Variants in REDIC1 observed in about 807,000 individuals in gnomAD.
The protein encoded by REDIC1 is regulator of DNA class I crossover intermediates 1, also known as HEI10 Interacting Protein 1.
At chr12:39,827,161 T>A in the REDIC1 span, among the ~76,000 whole-genome samples, 1 of 151,878 alleles carries the variant, frequency 6.6e-6, no homozygotes, top group African/African-American at 2.4e-5. Context: ...TATGGATGTC[T>A]CCAGTTTAGG....
the REDIC1 span, among the ~76,000 whole-genome samples, chr12:39,659,940 TG>T: frequency 8.5e-3 from 1,291 of 152,216 alleles, 14 homozygotes; most frequent in African/African-American, 0.03. Context: ...TATTGAGGCT[TG>T]CTTTTAAATT....
chr12:39,712,419 C>CATACGTATATAT, the REDIC1 span, among the ~76,000 whole-genome samples: 10 of 121,854 alleles, frequency 8.2e-5, no homozygotes, highest in Admixed American at 2.6e-4. Context: ...TACGTATATA[C>CATACGTATATAT]ATACGTATAT....
chr12:39,646,912 T>C, the REDIC1 span: 3 of 1,524,578 alleles, frequency 2.0e-6, no homozygotes, highest in Non-Finnish European at 2.7e-6. Context: ...AAAAATTCTA[T>C]AGGTTATTTC....
At chr12:39,777,981 C>A in the REDIC1 span, among the ~76,000 whole-genome samples, 1 of 152,158 alleles carries the variant, frequency 6.6e-6, no homozygotes, top group Non-Finnish European at 1.5e-5. Context: ...GATGGCTAAA[C>A]TAAAAGAGCA....
At chr12:39,794,123 CAAAAAAAAAAAAAAA>C in the REDIC1 span, among the ~76,000 whole-genome samples, 3 of 78,372 alleles carry the variant, frequency 3.8e-5, no homozygotes, top group African/African-American at 1.0e-4. Flanking sequence ...GGCCAAATTG[CAAAAAAAAAAAAAAA>C]AAAAAAAAAA....
At chr12:39,712,494 G>GA in the REDIC1 span, among the ~76,000 whole-genome samples, 7 of 137,826 alleles carry the variant, frequency 5.1e-5, no homozygotes, top group African/African-American at 1.6e-4. Context: ...GTATATATAC[G>GA]ACGTATATAC....
the REDIC1 span, among the ~76,000 whole-genome samples, chr12:39,680,056 T>C: frequency 6.6e-6 from 1 of 152,158 alleles, no homozygotes; most frequent in Non-Finnish European, 1.5e-5. Context: ...GGAAAAACTC[T>C]TCTAGACATT....
the REDIC1 span, chr12:39,764,524 G>A: frequency 6.2e-7 from 1 of 1,612,144 alleles, no homozygotes; most frequent in Non-Finnish European, 8.5e-7. Flanking sequence ...TGAAAATCCA[G>A]TTTATTCCAG....
At chr12:39,646,473 C>G in the REDIC1 span, 1 of 1,551,302 alleles carries the variant, frequency 6.4e-7, no homozygotes, top group Non-Finnish European at 8.7e-7. Flanking sequence ...TAGGTTTTAG[C>G]TAGGATTTAT....
At chr12:39,765,570 C>CT in the REDIC1 span, among the ~76,000 whole-genome samples, 10 of 152,060 alleles carry the variant, frequency 6.6e-5, no homozygotes, top group Non-Finnish European at 1.5e-4. Flanking sequence ...CCTTCAACCT[C>CT]TATCTTTGAA....
At chr12:39,711,641 G>GTATGTC in the REDIC1 span, among the ~76,000 whole-genome samples, 2 of 136,852 alleles carry the variant, frequency 1.5e-5, no homozygotes, top group African/African-American at 5.4e-5. Context: ...GTGTATATGT[G>GTATGTC]TATACACATG....
At chr12:39,812,068 G>T in the REDIC1 span, among the ~76,000 whole-genome samples, 1 of 152,088 alleles carries the variant, frequency 6.6e-6, no homozygotes, top group African/African-American at 2.4e-5. Flanking sequence ...AGACTGGATG[G>T]CTCTTACACA....
chr12:39,870,848 CTGA>C, the REDIC1 span, among the ~76,000 whole-genome samples: 1 of 152,162 alleles, frequency 6.6e-6, no homozygotes, highest in Non-Finnish European at 1.5e-5. Context: ...GTATGTATTT[CTGA>C]TAACTGGGTT....
the REDIC1 span, among the ~76,000 whole-genome samples, chr12:39,843,638 A>T: frequency 4.7e-4 from 72 of 152,190 alleles, no homozygotes; most frequent in South Asian, 0.015. Context: ...AGGCCAAAGC[A>T]TTTATTGCTA....
the REDIC1 span, among the ~76,000 whole-genome samples, chr12:39,760,976 A>AC: frequency 1.3e-5 from 2 of 150,142 alleles, no homozygotes; most frequent in Non-Finnish European, 3.0e-5. Flanking sequence ...ACACACACAT[A>AC]ATTGAATTGC....
At chr12:39,849,878 CT>C in the REDIC1 span, among the ~76,000 whole-genome samples, 1 of 151,768 alleles carries the variant, frequency 6.6e-6, no homozygotes, top group Non-Finnish European at 1.5e-5. Flanking sequence ...TTTCAAAGCT[CT>C]GTTGTTGTTT....
the REDIC1 span, among the ~76,000 whole-genome samples, chr12:39,891,855 A>T: frequency 2.6e-5 from 4 of 152,196 alleles, no homozygotes. Flanking sequence ...TTTACTGTGA[A>T]ATAACAATTT....
At chr12:39,688,796 T>C in the REDIC1 span, among the ~76,000 whole-genome samples, 1 of 152,140 alleles carries the variant, frequency 6.6e-6, no homozygotes, top group Non-Finnish European at 1.5e-5. Context: ...GAATTGATAG[T>C]ACTTGGTGAT....
chr12:39,819,659 T>C, the REDIC1 span: 1 of 152,232 alleles, frequency 6.6e-6, no homozygotes, highest in Non-Finnish European at 1.5e-5. Flanking sequence ...TAAAATAATT[T>C]TGAAGTATGC....
Sources: gnomAD v4.1 joint callset for allele counts (sites outside exome capture counted in the v4.1 genomes callset) on GRCh38, gnomAD v4.1.1 for gene constraint, MANE v1.5 for transcripts, NCBI Gene and HGNC (gene_info 2026-07-23, HGNC 2026-07-21) for gene names.